The following RARA variants were observed in gnomAD, a reference collection of about 807,000 sequenced individuals.
RARA encodes PML-DDX5-RARA fusion.
RARA carries 5 observed loss-of-function variants against 42.8 expected under a neutral mutation model. The ratio of observed to expected loss-of-function variants is 0.12; its 90% CI spans 0.06 to 0.25. RARA has a LOEUF of 0.25. Ranked by LOEUF, RARA falls within the 10% of genes least tolerant of loss-of-function variation. The pLI is 1.00. For synonymous variants in RARA, 256 were observed against 259.5 expected (o/e 0.99, Z 0.13); for missense variants, 402 against 628.7 (o/e 0.64, Z 3.86).
Position 40,355,913 on chromosome 17 carries a change from G to A in RARA, c.1172-96G>A. 3.0e-6 allele frequency: 3 copies of A among 1,014,160 alleles called. No individual in the cohort carries two copies. Among genetic ancestry groups the A allele is most frequent in the African/African-American group, 1.6e-5 (1 of 61,344 alleles). The allele number at this position is 1,014,160 out of a possible 1,614,324, so 62.8% of individuals were successfully genotyped here. On this transcript the variant is annotated intron_variant, in intron 8 of 8. Coordinates refer to ENST00000254066, the MANE Select transcript of RARA (RefSeq NM_000964.4). This position sits in a 1 kb window ranked among gnomAD's most constrained non-coding sequence, Gnocchi z 4.1. ...AATCCCAAGAAAGATGCTAATATCAGCAGTATTGATCTTCCCACCTCGAGC... is the reference window on the plus strand; with the variant it reads ...AATCCCAAGAAAGATGCTAATATCAACAGTATTGATCTTCCCACCTCGAGC...
At chr17:40,339,716 C>T (rs868238898) in intron 2 of RARA, among the ~76,000 whole-genome samples, 5 of 152,270 alleles carry the variant, frequency 3.3e-5, no homozygotes, top group South Asian at 4.1e-4. Context: ...TTTAACAACA[C>T]TCATCTCGCT....
intron 1 of RARA, among the ~76,000 whole-genome samples, chr17:40,311,505 T>G (rs2033094738): frequency 6.6e-6 from 1 of 152,076 alleles, no homozygotes; most frequent in Non-Finnish European, 1.5e-5. Context: ...CGCCACCCCA[T>G]TCCCATAGCC....
rs374550237 is a variant in RARA, at chr17:40,354,407, C to G, written c.913C>G (p.Leu305Val). ...GATGCACAACGCTGGCTTCGGCCCC[C>G]TCACCGACCTGGTCTTTGCCTTCGC... ...TQMHNAGFGP[L>V]TDLVFAFANQ... Residue 305 changes from leucine (L) to valine (V), a missense_variant, in exon 7 of 9, where the codon CTC becomes GTC. By Grantham distance (32) the Leu-to-Val change is conservative. Transcript: ENST00000254066. The surrounding 1 kb of genome is among the most constrained non-coding windows in gnomAD (Gnocchi z 4.5). 23 of 1,614,080 alleles carry G rather than the reference C, an allele frequency of 1.4e-5. No individual in the cohort carries two copies. Among genetic ancestry groups the G allele is most frequent in the Non-Finnish European group, 1.9e-5 (23 of 1,180,050 alleles).
chr17:40,341,528 C>CG, intron 2 of RARA: 1 of 1,474,436 alleles, frequency 6.8e-7, no homozygotes, highest in Non-Finnish European at 9.0e-7. Flanking sequence ...TCCGCGTCTC[C>CG]GGGGGAGGTG....
chr17:40,314,899 C>T (rs545584779), intron 1 of RARA, among the ~76,000 whole-genome samples: 43 of 151,902 alleles, frequency 2.8e-4, no homozygotes, highest in African/African-American at 1.0e-3. Flanking sequence ...GTGCAGCCCC[C>T]AGTGTCTTCT....
chr17:40,350,040 C>T (rs1057076987), intron 4 of RARA, 115 bp downstream of exon 4: 22 of 1,447,724 alleles, frequency 1.5e-5, no homozygotes, highest in East Asian at 4.7e-5. Context: ...ACACGCATGC[C>T]GTGGTGTGCG....
Position 40,326,096 on chromosome 17 carries a change from A to T in RARA, c.-362-4761A>T, listed in dbSNP as rs2033538435. 6.6e-6 allele frequency among the ~76,000 whole-genome samples: 1 copy of T among 152,160 alleles called. No individual in the cohort carries two copies. The highest frequency in any genetic ancestry group is 2.1e-4 in the South Asian group (1 of 4,834). On this transcript the variant is annotated intron_variant, in intron 1 of 8. Coordinates refer to ENST00000254066, the MANE Select transcript of RARA (RefSeq NM_000964.4). The surrounding 1 kb of genome is among the most constrained non-coding windows in gnomAD (Gnocchi z 5.2). ...CACATCCCTCTCCTCCATCCGAGGG[A>T]AGCAGACCCTGGGAAATGGGTAATT...
chr17:40,344,756 G>A (rs2034199341), intron 2 of RARA, among the ~76,000 whole-genome samples: 1 of 152,210 alleles, frequency 6.6e-6, no homozygotes. Context: ...TGAGGTGTCA[G>A]TGGACTCGGG....
intron 3 of RARA, 23 bp from the exon 4 acceptor site, chr17:40,349,761 G>T (rs1408768005): frequency 1.2e-6 from 2 of 1,613,196 alleles, no homozygotes; most frequent in Admixed American, 1.7e-5. Flanking sequence ...TGGACAACCT[G>T]ACTCCCTCCC....
chr17:40,315,085 T>C (rs1318475219), intron 1 of RARA, among the ~76,000 whole-genome samples: 4 of 140,312 alleles, frequency 2.9e-5, no homozygotes, highest in African/African-American at 7.9e-5. Flanking sequence ...GGAGGGAACA[T>C]TGATTGGGTT....
chr17:40,327,934 C>T (rs1288043811), intron 1 of RARA, among the ~76,000 whole-genome samples: 1 of 152,190 alleles, frequency 6.6e-6, no homozygotes, highest in Non-Finnish European at 1.5e-5. Flanking sequence ...GACATCAGCC[C>T]TCTCAGCCTA....
Position 40,352,187 on chromosome 17 carries a change from C to T in RARA, c.630+117C>T. 1 of 1,487,058 alleles carries T rather than the reference C, an allele frequency of 6.7e-7. No homozygotes were observed. The highest frequency in any genetic ancestry group is 8.9e-7 in the Non-Finnish European group (1 of 1,124,802). The allele number at this position is 1,487,058 out of a possible 1,614,324, so 92.1% of individuals were successfully genotyped here. ...AAGATCTCTGCGTCCTTCCCTTCCCCTCTCTTCTCCCTCCTCCTGCTGCCT... is the reference window on the plus strand; with the variant it reads ...AAGATCTCTGCGTCCTTCCCTTCCCTTCTCTTCTCCCTCCTCCTGCTGCCT... On this transcript the variant is annotated intron_variant, in intron 5 of 8. Transcript: ENST00000254066. This position sits in a 1 kb window ranked among gnomAD's most constrained non-coding sequence, Gnocchi z 4.9.
intron 1 of RARA, among the ~76,000 whole-genome samples, chr17:40,323,678 T>C (rs1282826169): frequency 7.5e-6 from 1 of 132,700 alleles, no homozygotes; most frequent in Non-Finnish European, 1.6e-5. Context: ...GGGAAGAGAT[T>C]CCCCCTAGTT....
chr17:40,352,504 C>T lies in RARA; in HGVS notation c.804C>T (p.Ile268=), dbSNP rs41283421. 25,643 of 1,603,392 alleles carry T rather than the reference C, an allele frequency of 0.016. 254 individuals carry two copies. The highest frequency in any genetic ancestry group is 0.024 in the Middle Eastern group (142 of 6,012). Residue 268 remains isoleucine (I), a synonymous_variant, in exon 6 of 9, where the codon ATC becomes ATT. Transcript: ENST00000254066. The surrounding 1 kb of genome is among the most constrained non-coding windows in gnomAD (Gnocchi z 4.9). ...ITLLKAACLD[I]LILRICTRYT... is the part of the protein sequence containing the mutation. ...TCCTCAAGGCTGCCTGCCTGGACATCCTGGTGAGGGTCTGCACCCTGGCCC... is the reference window on the plus strand; with the variant it reads ...TCCTCAAGGCTGCCTGCCTGGACATTCTGGTGAGGGTCTGCACCCTGGCCC...
intron 1 of RARA, among the ~76,000 whole-genome samples, chr17:40,318,107 G>T (rs1025551014): frequency 6.6e-6 from 1 of 152,196 alleles, no homozygotes; most frequent in African/African-American, 2.4e-5. Context: ...CGCCCTTCCC[G>T]AGGTCTATTA....
chr17:40,343,076 C>A, intron 2 of RARA: 3 of 973,670 alleles, frequency 3.1e-6, no homozygotes, highest in Non-Finnish European at 4.1e-6. Context: ...TAGATTAGGG[C>A]TGAGGAACTT....
rs1408256057 is a variant in RARA, at chr17:40,354,252, C to A, written c.808-50C>A. 1.3e-6 allele frequency: 2 copies of A among 1,577,602 alleles called. No individual in the cohort carries two copies. Among genetic ancestry groups the A allele is most frequent in the South Asian group, 2.2e-5 (2 of 89,444 alleles). On this transcript the variant is annotated intron_variant, in intron 6 of 8. Transcript: ENST00000254066. The surrounding 1 kb of genome is among the most constrained non-coding windows in gnomAD (Gnocchi z 4.5). ...GTGCGGAGTGCTGGTGCCGAGTGCT[C>A]AGAGTGGGTTCGGGTTCAGTCCCTG...
At chr17:40,329,589 G>C (rs931210101) in intron 1 of RARA, among the ~76,000 whole-genome samples, 1 of 152,080 alleles carries the variant, frequency 6.6e-6, no homozygotes, top group Non-Finnish European at 1.5e-5. Flanking sequence ...CAAAGTGCTG[G>C]GATTATAGGT....
intron 2 of RARA, among the ~76,000 whole-genome samples, chr17:40,343,607 G>A (rs953737381): frequency 6.6e-6 from 1 of 152,180 alleles, no homozygotes; most frequent in Non-Finnish European, 1.5e-5. Flanking sequence ...TCCTAATCCG[G>A]TTTGTTCTCT....
Sources: gnomAD v4.1 joint callset for allele counts (sites outside exome capture counted in the v4.1 genomes callset) on GRCh38, gnomAD v4.1.1 for gene constraint, Gnocchi (gnomAD v3.1) non-coding constraint, MANE v1.5 for transcripts, NCBI Gene and HGNC (gene_info 2026-07-23, HGNC 2026-07-21) for gene names.